PARD3: variants seen among roughly 807,000 people sequenced by gnomAD.
PARD3 encodes the protein par-3 family cell polarity regulator, also known as partitioning defective 3 homolog.
A neutral mutation model predicts 155.4 loss-of-function variants in PARD3; 75 were observed. That is an observed-to-expected ratio of 0.48 (90% CI 0.40 to 0.58). PARD3 has a LOEUF of 0.58. Among genes scored for constraint, PARD3 ranks in the 20% least tolerant of loss-of-function variants. The pLI is 0.00. For synonymous variants in PARD3, 576 were observed against 610.5 expected (o/e 0.94, Z 0.83); for missense variants, 1,642 against 1,721.7 (o/e 0.95, Z 0.82).
chr10:34,378,174 C>A, intron 9 of PARD3, 68 bp from the exon 10 acceptor site: 2 of 1,150,608 alleles, frequency 1.7e-6, no homozygotes, highest in South Asian at 3.0e-5. Context: ...TGTATTGCAC[C>A]AGTATACTCA....
intron 15 of PARD3, chr10:34,346,450 C>T: frequency 7.4e-7 from 1 of 1,348,648 alleles, no homozygotes; most frequent in Non-Finnish European, 9.9e-7. Context: ...TCCTATGTTC[C>T]TATAATAAAG....
chr10:34,633,937 T>G (rs925344070), intron 2 of PARD3, among the ~76,000 whole-genome samples: 2 of 152,232 alleles, frequency 1.3e-5, no homozygotes, highest in Non-Finnish European at 2.9e-5. Context: ...TTGAGAGTTT[T>G]AAGTAGAAGG....
At chr10:34,408,564 C>A (rs1272829733) in intron 5 of PARD3, among the ~76,000 whole-genome samples, 1 of 152,100 alleles carries the variant, frequency 6.6e-6, no homozygotes, top group East Asian at 1.9e-4. Context: ...AATAGGATTG[C>A]AGAAGGCATT....
chr10:34,195,363 G>T (rs1436665806), intron 22 of PARD3, among the ~76,000 whole-genome samples: 3 of 152,132 alleles, frequency 2.0e-5, no homozygotes, highest in Non-Finnish European at 4.4e-5. Flanking sequence ...CTGGCACTTA[G>T]AACTGGCATT....
chr10:34,506,284 C>T (rs2081057031), intron 3 of PARD3, among the ~76,000 whole-genome samples: 1 of 152,080 alleles, frequency 6.6e-6, no homozygotes, highest in South Asian at 2.1e-4. Flanking sequence ...TCTGCTTGTC[C>T]TGAATTTGGA....
chr10:34,260,823 C>T (rs1256115868), intron 22 of PARD3, among the ~76,000 whole-genome samples: 1 of 152,190 alleles, frequency 6.6e-6, no homozygotes, highest in Non-Finnish European at 1.5e-5. Flanking sequence ...TATGACCCAA[C>T]ATTTCTAAAA....
At chr10:34,404,217 T>G (rs915885156) in intron 5 of PARD3, among the ~76,000 whole-genome samples, 9 of 152,224 alleles carry the variant, frequency 5.9e-5, no homozygotes, top group Non-Finnish European at 8.8e-5. Flanking sequence ...GATGTGTAAA[T>G]TATCAGCTCC....
intron 2 of PARD3, among the ~76,000 whole-genome samples, chr10:34,627,368 C>A (rs1217384280): frequency 1.3e-5 from 2 of 151,914 alleles, no homozygotes; most frequent in Non-Finnish European, 2.9e-5. Context: ...CCTCTCCCGA[C>A]AAAAAAATAT....
At chr10:34,245,798 C>T (rs1953912652) in intron 22 of PARD3, among the ~76,000 whole-genome samples, 1 of 152,034 alleles carries the variant, frequency 6.6e-6, no homozygotes, top group Admixed American at 6.6e-5. Context: ...TAATAAAGAC[C>T]CCACCAGATC....
At position 34,341,792 on chromosome 10, in the gene PARD3, A is replaced by G; in HGVS notation, c.2243T>C (p.Val748Ala). 6.2e-7 allele frequency: 1 copy of G among 1,611,144 alleles called. No homozygotes were observed. Among genetic ancestry groups the G allele is most frequent in the Non-Finnish European group, 8.5e-7 (1 of 1,178,272 alleles). ...GACAGTGTCATCTTGGGGCATATTCACTGTAGGGGACAGCTGGTATTTACC... is the reference window on the plus strand; with the variant it reads ...GACAGTGTCATCTTGGGGCATATTCGCTGTAGGGGACAGCTGGTATTTACC... ...IMGKYQLSPTVNMPQDDTVII... is the reference protein window; with the variant it reads ...IMGKYQLSPTANMPQDDTVII... The change falls in exon 16 of 25, where the codon GTG (valine) becomes GCG (alanine). Residue 748 changes from valine (V) to alanine (A), a missense_variant. This residue lies in a region of PARD3 where 1,529 missense variants were observed against 1,587.3 expected (regional missense o/e 0.96). Transcript: ENST00000374788.
At chr10:34,395,993 T>C (rs866432814) in intron 7 of PARD3, among the ~76,000 whole-genome samples, 4 of 152,144 alleles carry the variant, frequency 2.6e-5, no homozygotes, top group Non-Finnish European at 5.9e-5. Context: ...ATGCCCCTGA[T>C]TGAAAAACAT....
At chr10:34,795,285 G>C (rs1842124234) in intron 1 of PARD3, among the ~76,000 whole-genome samples, 1 of 152,212 alleles carries the variant, frequency 6.6e-6, no homozygotes, top group African/African-American at 2.4e-5. Context: ...CAGGTCCGGA[G>C]GGAGATGCCC....
intron 2 of PARD3, among the ~76,000 whole-genome samples, chr10:34,557,659 C>T (rs900619130): frequency 1.3e-5 from 2 of 151,880 alleles, no homozygotes; most frequent in Admixed American, 6.6e-5. Flanking sequence ...GGTTTCACCA[C>T]GTTGCCCAGG....
intron 22 of PARD3, among the ~76,000 whole-genome samples, chr10:34,244,785 T>C (rs1953836953): frequency 6.6e-6 from 1 of 152,206 alleles, no homozygotes; most frequent in South Asian, 2.1e-4. Flanking sequence ...AGTCATCATT[T>C]TTCATTCATT....
chr10:34,780,111 T>C (rs908668226), intron 1 of PARD3, among the ~76,000 whole-genome samples: 1 of 152,230 alleles, frequency 6.6e-6, no homozygotes, highest in Non-Finnish European at 1.5e-5. Context: ...GTGAAGTCCA[T>C]TTTAACTCTG....
chr10:34,120,396 G>C (rs1456632571), intron 23 of PARD3, among the ~76,000 whole-genome samples: 2 of 151,530 alleles, frequency 1.3e-5, no homozygotes, highest in African/African-American at 4.9e-5. Flanking sequence ...TAAGAATGAG[G>C]CTCTTCCAAA....
At chr10:34,447,305 C>G (rs188914189) in intron 5 of PARD3, among the ~76,000 whole-genome samples, 9 of 151,506 alleles carry the variant, frequency 5.9e-5, no homozygotes, top group Non-Finnish European at 1.0e-4. Context: ...CATGGTGAAA[C>G]CCCATCTGTA....
At chr10:34,690,824 T>C (rs1157406884) in intron 2 of PARD3, among the ~76,000 whole-genome samples, 1 of 151,752 alleles carries the variant, frequency 6.6e-6, no homozygotes, top group Non-Finnish European at 1.5e-5. Context: ...GTACAGAGAG[T>C]GCCAAAGGGA....
chr10:34,342,981 T>C (rs1403032629), intron 15 of PARD3, among the ~76,000 whole-genome samples: 1 of 152,208 alleles, frequency 6.6e-6, no homozygotes, highest in Admixed American at 6.5e-5. Context: ...AAATCAAATG[T>C]AATACTTAGC....
Sources: gnomAD v4.1 joint callset for allele counts (sites outside exome capture counted in the v4.1 genomes callset) on GRCh38, gnomAD v4.1.1 for gene constraint, gnomAD v4.1.1 regional missense constraint, MANE v1.5 for transcripts, NCBI Gene and HGNC (gene_info 2026-07-23, HGNC 2026-07-21) for gene names.